The following ADAM23 variants were observed in gnomAD, a reference collection of about 807,000 sequenced individuals.
The protein encoded by ADAM23 is ADAM metallopeptidase domain 23.
In ADAM23, 33 loss-of-function variants were observed where a neutral mutation model predicts 120.1. The observed-to-expected ratio is 0.27, with a 90% CI of 0.21 to 0.37. The LOEUF is 0.37. Ranked by LOEUF, ADAM23 falls within the 10% of genes least tolerant of loss-of-function variation. ADAM23 has a pLI of 1.00. For synonymous variants in ADAM23, 367 were observed against 375.2 expected (o/e 0.98, Z 0.25); for missense variants, 862 against 1,058.2 (o/e 0.81, Z 2.57).
Position 206,444,024 on chromosome 2 carries a change from T to C in ADAM23, c.158T>C (p.Leu53Pro). 1 of 1,411,732 alleles carries C rather than the reference T, an allele frequency of 7.1e-7. No homozygotes were observed. Among genetic ancestry groups the C allele is most frequent in the Non-Finnish European group, 9.3e-7 (1 of 1,079,388 alleles). The allele number at this position is 1,411,732 out of a possible 1,614,324, so 87.5% of individuals were successfully genotyped here. ...PCRLLLVLLL[L>P]PPLAASSRPR... ...CGCCTGCTTCTCGTCCTTCTCCTGC[T>C]GCCTCCGCTCGCCGCCTCGTCCCGG... Residue 53 changes from leucine (L) to proline (P), a missense_variant, in exon 1 of 26, where the codon CTG (leucine) becomes CCG (proline). Coordinates refer to ENST00000264377, the MANE Select transcript of ADAM23 (RefSeq NM_003812.4).
intron 20 of ADAM23, among the ~76,000 whole-genome samples, 166 bp downstream of exon 20, chr2:206,588,320 A>G (rs944876216): frequency 9.2e-5 from 14 of 152,164 alleles, no homozygotes; most frequent in Non-Finnish European, 2.1e-4. Flanking sequence ...CAAAAACTAT[A>G]GAAAACAACT....
At chr2:206,605,357 T>C (rs935719013) in intron 24 of ADAM23, among the ~76,000 whole-genome samples, 1 of 152,342 alleles carries the variant, frequency 6.6e-6, no homozygotes, top group East Asian at 1.9e-4. Flanking sequence ...CAAAACTGAA[T>C]GATATATTCT....
chr2:206,579,856 T>G (rs1226886298), intron 18 of ADAM23, among the ~76,000 whole-genome samples: 2 of 152,228 alleles, frequency 1.3e-5, no homozygotes, highest in Admixed American at 6.5e-5. Flanking sequence ...TACCCATCTG[T>G]GAGCATGGGA....
chr2:206,588,944 A>T (rs762551844), intron 20 of ADAM23, among the ~76,000 whole-genome samples: 1 of 152,248 alleles, frequency 6.6e-6, no homozygotes, highest in African/African-American at 2.4e-5. Flanking sequence ...AGGTTTAATT[A>T]TCAAAACTCA....
intron 20 of ADAM23, among the ~76,000 whole-genome samples, chr2:206,589,082 G>A (rs1028516991): frequency 5.9e-5 from 9 of 152,082 alleles, no homozygotes; most frequent in African/African-American, 1.7e-4. Flanking sequence ...ATAATCATTC[G>A]CACCTTCCAT....
chr2:206,597,722 G>A lies in ADAM23; in HGVS notation c.2359+1560G>A, dbSNP rs143184309. On this transcript the variant is annotated intron_variant, in intron 24 of 25. Transcript: ENST00000264377. ...TGCTAACAGTTTTTTTGTAACTGCC[G>A]TGCTTTTCTCTGACAGGTAGGAAAA... Among the ~76,000 whole-genome samples the A allele has an allele frequency of 6.6e-4, 101 of 152,224 alleles. 1 individual carries two copies. The highest frequency in any genetic ancestry group is 1.9e-3 in the African/African-American group (79 of 41,528).
chr2:206,607,892 T>TTC, intron 24 of ADAM23: 1 of 402,678 alleles, frequency 2.5e-6, no homozygotes, highest in Admixed American at 3.6e-5. Flanking sequence ...GTTTTTTTTT[T>TTC]AATTTCTCCT....
intron 24 of ADAM23, 67 bp downstream of exon 24, chr2:206,596,229 A>G (rs1698522925): frequency 5.0e-6 from 6 of 1,206,402 alleles, no homozygotes; most frequent in South Asian, 1.3e-5. Flanking sequence ...ATGCACCAGT[A>G]TAACATTCTA....
rs539707249 is a variant in ADAM23, at chr2:206,500,430, C to T, written c.509+19122C>T. Among the ~76,000 whole-genome samples, 139 of 152,220 alleles carry T rather than the reference C, an allele frequency of 9.1e-4. 1 individual carries two copies. The highest frequency in any genetic ancestry group is 2.2e-3 in the African/African-American group (91 of 41,534). ...AATGGATATTATGTTCATGAAAAAT[C>T]GGTGCTCAAAAGTAGCTTTTAGAAG... On this transcript the variant is annotated intron_variant, in intron 3 of 25. Transcript: ENST00000264377.
chr2:206,526,112 T>C (rs1696938894), intron 3 of ADAM23, among the ~76,000 whole-genome samples: 1 of 151,128 alleles, frequency 6.6e-6, no homozygotes, highest in African/African-American at 2.4e-5. Flanking sequence ...ATTAGAAACA[T>C]GAATCTCATA....
At chr2:206,483,087 A>T (rs537427451) in intron 3 of ADAM23, among the ~76,000 whole-genome samples, 1 of 152,348 alleles carries the variant, frequency 6.6e-6, no homozygotes, top group South Asian at 2.1e-4. Context: ...TGAAAAATCA[A>T]GTCAGGGGAA....
At chr2:206,569,620 G>A (rs1371962211) in intron 15 of ADAM23, among the ~76,000 whole-genome samples, 3 of 152,108 alleles carry the variant, frequency 2.0e-5, no homozygotes, top group Admixed American at 6.5e-5. Context: ...GAAAGAAGGG[G>A]GAGCCTGGTA....
chr2:206,600,311 C>T (rs982415627), intron 24 of ADAM23, among the ~76,000 whole-genome samples: 1 of 151,292 alleles, frequency 6.6e-6, no homozygotes, highest in Non-Finnish European at 1.5e-5. Flanking sequence ...CAAATGCTTG[C>T]CATTTATAAT....
chr2:206,562,873 C>T (rs757890491), intron 13 of ADAM23, among the ~76,000 whole-genome samples: 1 of 152,310 alleles, frequency 6.6e-6, no homozygotes, highest in Admixed American at 6.5e-5. Flanking sequence ...AATAGGGCCA[C>T]ACATCCCATC....
intron 3 of ADAM23, among the ~76,000 whole-genome samples, chr2:206,501,435 T>C (rs984518064): frequency 3.3e-5 from 5 of 152,106 alleles, no homozygotes; most frequent in African/African-American, 1.2e-4. Flanking sequence ...ATTAGGCTAC[T>C]TCATTCAGTT....
At chr2:206,479,458 G>T (rs1358994453) in intron 2 of ADAM23, among the ~76,000 whole-genome samples, 1 of 152,138 alleles carries the variant, frequency 6.6e-6, no homozygotes. Context: ...CTATACTTAA[G>T]GATTTATCTT....
intron 3 of ADAM23, among the ~76,000 whole-genome samples, chr2:206,491,879 G>A (rs1470227088): frequency 3.3e-5 from 5 of 152,152 alleles, no homozygotes; most frequent in African/African-American, 1.2e-4. Context: ...TCTTAAATGG[G>A]TTTCTCATAT....
Position 206,559,989 on chromosome 2 carries a change from TG to T in ADAM23, c.1042del (p.Val348TrpfsTer3). The T allele has an allele frequency of 6.2e-7, 1 of 1,614,074 alleles. No homozygotes were observed. Among genetic ancestry groups the T allele is most frequent in the Non-Finnish European group, 8.5e-7 (1 of 1,179,980 alleles). ...GAGCAGCTCAACACCAGGGTTGTCC[TG>T]GTGGCTGTAGAGACCTGGACTGAGA... Reference protein sequence around the residue: ...YKEQLNTRVVLVAVETWTEKD... With the variant: ...YKEQLNTRVVXVAVETWTEKD... On this transcript the variant is annotated frameshift_variant, in exon 11 of 26. Coordinates refer to ENST00000264377, the MANE Select transcript of ADAM23 (RefSeq NM_003812.4). LOFTEE classifies it high-confidence loss of function.
intron 25 of ADAM23, among the ~76,000 whole-genome samples, chr2:206,613,831 G>A (rs944167664): frequency 3.3e-5 from 5 of 152,260 alleles, no homozygotes; most frequent in African/African-American, 7.2e-5. Context: ...CACCTTAGGC[G>A]TTGCTATTTA....
Sources: gnomAD v4.1 joint callset for allele counts (sites outside exome capture counted in the v4.1 genomes callset) on GRCh38, gnomAD v4.1.1 for gene constraint, MANE v1.5 for transcripts, NCBI Gene and HGNC (gene_info 2026-07-23, HGNC 2026-07-21) for gene names.